Variants in REC114 observed in about 807,000 individuals in gnomAD.
REC114 encodes meiotic recombination protein REC114.
REC114 carries 27 observed loss-of-function variants against 31.3 expected under a neutral mutation model. The ratio of observed to expected loss-of-function variants is 0.86; its 90% CI spans 0.64 to 1.19. The LOEUF (loss-of-function observed/expected upper bound fraction) is 1.19. REC114 is among the 50% of genes most tolerant of loss of function. The pLI, the probability that REC114 is intolerant of heterozygous loss-of-function variation, is 0.00. For missense variants in REC114, 344 were observed against 326.9 expected, an observed-to-expected ratio of 1.05 and a Z score of -0.40; for synonymous variants, 134 against 127.7, an observed-to-expected ratio of 1.05 and a Z score of -0.33.
At chr15:73,554,380 G>T (rs1223299704) in intron 4 of REC114, among the ~76,000 whole-genome samples, 1 of 152,204 alleles carries the variant, frequency 6.6e-6, no homozygotes, top group Non-Finnish European at 1.5e-5. Flanking sequence ...TCATTTTGCT[G>T]CTCTCTTACA....
intron 1 of REC114, among the ~76,000 whole-genome samples, chr15:73,471,716 G>A (rs1348804159): frequency 1.3e-5 from 2 of 152,004 alleles, no homozygotes; most frequent in Non-Finnish European, 1.5e-5. Context: ...AGAGACATAT[G>A]TAAGAATGTT....
intron 2 of REC114, among the ~76,000 whole-genome samples, chr15:73,475,432 A>C (rs1299040784): frequency 6.6e-6 from 1 of 152,192 alleles, no homozygotes; most frequent in Admixed American, 6.5e-5. Flanking sequence ...AGGGGGCTGA[A>C]AAATTCCTAT....
At chr15:73,448,478 A>AAAAAAAGGCAGCAG (rs996316353) in intron 1 of REC114, among the ~76,000 whole-genome samples, 20 of 152,244 alleles carry the variant, frequency 1.3e-4, no homozygotes, top group African/African-American at 4.6e-4. Flanking sequence ...GGCATCTCTG[A>AAAAAAAGGCAGCAG]AAAAAAGGCA....
At chr15:73,464,694 C>T (rs1893033723) in intron 1 of REC114, among the ~76,000 whole-genome samples, 1 of 152,142 alleles carries the variant, frequency 6.6e-6, no homozygotes, top group African/African-American at 2.4e-5. Flanking sequence ...ATAGTCTGGT[C>T]TGCCCATCTT....
intron 2 of REC114, among the ~76,000 whole-genome samples, chr15:73,509,741 C>A (rs796669320): frequency 0.035 from 5,160 of 147,874 alleles, 136 homozygotes; most frequent in African/African-American, 0.071. Flanking sequence ...TGTCAAAGAT[C>A]AGATAGTTGT....
intron 2 of REC114, among the ~76,000 whole-genome samples, chr15:73,529,672 T>C (rs995715133): frequency 1.3e-5 from 2 of 152,324 alleles, no homozygotes; most frequent in Non-Finnish European, 2.9e-5. Flanking sequence ...AAATCAGTTA[T>C]TTCAAAATAA....
At chr15:73,454,629 T>G (rs960149147) in intron 1 of REC114, among the ~76,000 whole-genome samples, 12 of 152,146 alleles carry the variant, frequency 7.9e-5, no homozygotes, top group African/African-American at 2.9e-4. Flanking sequence ...TCCTGAGAAA[T>G]GATATAGGCT....
chr15:73,446,968 A>T (rs1402305841), intron 1 of REC114, among the ~76,000 whole-genome samples: 1 of 152,208 alleles, frequency 6.6e-6, no homozygotes. Flanking sequence ...TAGGCAAGAG[A>T]TGATGATGGC....
intron 1 of REC114, among the ~76,000 whole-genome samples, chr15:73,454,862 A>G (rs1005816163): frequency 1.3e-5 from 2 of 152,238 alleles, no homozygotes; most frequent in Non-Finnish European, 2.9e-5. Flanking sequence ...CCCAGAGGCC[A>G]GGACATTTGA....
intron 2 of REC114, among the ~76,000 whole-genome samples, chr15:73,520,573 G>C (rs1595876488): frequency 6.6e-6 from 1 of 152,026 alleles, no homozygotes; most frequent in East Asian, 1.9e-4. Flanking sequence ...CAAAGGCAAG[G>C]GGTTTTCAGG....
intron 1 of REC114, among the ~76,000 whole-genome samples, chr15:73,443,827 G>A (rs903135029): frequency 2.0e-5 from 3 of 152,144 alleles, no homozygotes; most frequent in Non-Finnish European, 4.4e-5. Flanking sequence ...CTGGGACCTT[G>A]CTTTAGTTAC....
At chr15:73,486,178 A>C (rs1412195167) in intron 2 of REC114, among the ~76,000 whole-genome samples, 1 of 151,918 alleles carries the variant, frequency 6.6e-6, no homozygotes, top group Non-Finnish European at 1.5e-5. Context: ...GCTCACTGCA[A>C]CCTCCATCTC....
At chr15:73,515,950 A>G (rs1893852425) in intron 2 of REC114, among the ~76,000 whole-genome samples, 1 of 151,970 alleles carries the variant, frequency 6.6e-6, no homozygotes. Context: ...CCATTTTACT[A>G]ACAAGGAACT....
chr15:73,526,867 TAGTTA>T (rs1894015651), intron 2 of REC114, among the ~76,000 whole-genome samples: 1 of 152,228 alleles, frequency 6.6e-6, no homozygotes, highest in Admixed American at 6.5e-5. Flanking sequence ...TTCAAGCAAG[TAGTTA>T]AGTTACTAAT....
At chr15:73,447,886 AG>A (rs1476260864) in intron 1 of REC114, among the ~76,000 whole-genome samples, 2 of 151,962 alleles carry the variant, frequency 1.3e-5, no homozygotes. Context: ...GGGAAGTACA[AG>A]GGTTGGGGAA....
chr15:73,492,912 T>C (rs965179525), intron 2 of REC114, among the ~76,000 whole-genome samples: 4 of 152,196 alleles, frequency 2.6e-5, no homozygotes, highest in African/African-American at 9.6e-5. Context: ...TATCCTCTTT[T>C]GTGAAGTATC....
intron 2 of REC114, among the ~76,000 whole-genome samples, chr15:73,531,773 G>C (rs902795019): frequency 6.6e-6 from 1 of 152,134 alleles, no homozygotes; most frequent in Non-Finnish European, 1.5e-5. Flanking sequence ...GCAGGGCACA[G>C]CACCTCCTGC....
intron 2 of REC114, among the ~76,000 whole-genome samples, chr15:73,476,012 T>C (rs1250816309): frequency 6.6e-6 from 1 of 152,124 alleles, no homozygotes; most frequent in Non-Finnish European, 1.5e-5. Context: ...GTAACATGCT[T>C]TACAGGTTTG....
chr15:73,511,242 T>C (rs1893762437), intron 2 of REC114, among the ~76,000 whole-genome samples: 1 of 152,212 alleles, frequency 6.6e-6, no homozygotes, highest in African/African-American at 2.4e-5. Flanking sequence ...GAGGTGTTTG[T>C]AGTATTCTCT....
Sources: allele counts gnomAD v4.1 joint callset (sites outside exome capture counted in the v4.1 genomes callset), GRCh38; gene constraint gnomAD v4.1.1; transcripts MANE v1.5; gene names NCBI Gene and HGNC (gene_info 2026-07-23, HGNC 2026-07-21).